KIAA1217: variants seen among roughly 807,000 people sequenced by gnomAD.
KIAA1217 encodes sickle tail protein homolog.
KIAA1217 carries 88 observed loss-of-function variants against 163.9 expected under a neutral mutation model. The observed-to-expected ratio is 0.54, with a 90% CI of 0.45 to 0.64. KIAA1217 has a LOEUF of 0.64. Among genes scored for constraint, KIAA1217 ranks in the 30% least tolerant of loss-of-function variants. KIAA1217 has a pLI of 0.00. For missense variants in KIAA1217, 2,372 were observed against 2,475.0 expected (o/e 0.96, Z 0.88); for synonymous variants, 903 against 923.1 (o/e 0.98, Z 0.39).
At chr10:24,431,929 T>C (rs1266136790) in intron 3 of KIAA1217, among the ~76,000 whole-genome samples, 1 of 152,172 alleles carries the variant, frequency 6.6e-6, no homozygotes, top group African/African-American at 2.4e-5. Flanking sequence ...TCAATAAATA[T>C]GTATTAGAAC....
chr10:24,036,355 G>A (rs1160546449), intron 2 of KIAA1217, among the ~76,000 whole-genome samples: 2 of 152,160 alleles, frequency 1.3e-5, no homozygotes, highest in Non-Finnish European at 2.9e-5. Flanking sequence ...TATATGTGGG[G>A]AGGGGGTCAG....
intron 1 of KIAA1217, among the ~76,000 whole-genome samples, chr10:24,216,502 T>G (rs1256333476): frequency 6.6e-6 from 1 of 152,076 alleles, no homozygotes; most frequent in African/African-American, 2.4e-5. Context: ...TTCTTAATAA[T>G]GTCAAAACTA....
At chr10:24,365,934 A>G (rs1045472113) in intron 2 of KIAA1217, among the ~76,000 whole-genome samples, 16 of 152,312 alleles carry the variant, frequency 1.1e-4, no homozygotes, top group African/African-American at 3.8e-4. Flanking sequence ...TGGATATTGT[A>G]TAATTCAATC....
rs150603825 is a variant in KIAA1217, at chr10:24,143,559, G to A, written c.-170-76067G>A. Among the ~76,000 whole-genome samples, 109 of 152,264 alleles carry A rather than the reference G, an allele frequency of 7.2e-4. 2 individuals are homozygous for A. In the East Asian group the frequency reaches 0.014, roughly 19 times the overall value. ...ATTACAGGCATGAGCTACCAGGCCC[G>A]ACCTAGTATCCACTTTTTCTAAACC... On this transcript the variant is annotated intron_variant, in intron 2 of 18. Coordinates refer to the KIAA1217 transcript ENST00000376462.
chr10:24,135,563 T>C (rs1280197794), intron 2 of KIAA1217, among the ~76,000 whole-genome samples: 1 of 151,848 alleles, frequency 6.6e-6, no homozygotes, highest in Non-Finnish European at 1.5e-5. Context: ...TATTCCGGTG[T>C]GATCACAGGT....
At chr10:24,426,840 C>T (rs560001885) in intron 3 of KIAA1217, among the ~76,000 whole-genome samples, 1 of 152,204 alleles carries the variant, frequency 6.6e-6, no homozygotes, top group Non-Finnish European at 1.5e-5. Flanking sequence ...AGTCCCACTG[C>T]GGTGCCCTAG....
chr10:24,153,422 C>T lies in KIAA1217; in HGVS notation c.-170-66204C>T, dbSNP rs187662720. ...TGGTTACATGGTACCATATGTCTTT[C>T]AGAAGGCACTTGGAGCTTTACACAT... On this transcript the variant is annotated intron_variant, in intron 2 of 18. Coordinates refer to the KIAA1217 transcript ENST00000376462. Among the ~76,000 whole-genome samples, 618 of 152,320 alleles carry T rather than the reference C, an allele frequency of 4.1e-3. 3 individuals are homozygous for T. The highest frequency in any genetic ancestry group is 0.014 in the African/African-American group (589 of 41,584).
intron 2 of KIAA1217, among the ~76,000 whole-genome samples, chr10:24,364,206 T>G (rs61848091): frequency 0.016 from 2,456 of 152,188 alleles, 40 homozygotes; most frequent in Non-Finnish European, 0.026. Context: ...CTCGAACTCC[T>G]GAGCTCAGGT....
chr10:24,136,104 A>G (rs2063822647), intron 2 of KIAA1217, among the ~76,000 whole-genome samples: 1 of 152,156 alleles, frequency 6.6e-6, no homozygotes, highest in Non-Finnish European at 1.5e-5. Context: ...AGAAGGGCCC[A>G]CTCTAAGGAG....
At chr10:24,051,482 G>A (rs570899253) in intron 2 of KIAA1217, among the ~76,000 whole-genome samples, 1 of 152,194 alleles carries the variant, frequency 6.6e-6, no homozygotes, top group African/African-American at 2.4e-5. Context: ...GAATTTCTAT[G>A]TTTTCTGTAG....
chr10:23,898,611 A>G (rs1469104641), intron 1 of KIAA1217, among the ~76,000 whole-genome samples: 1 of 152,104 alleles, frequency 6.6e-6, no homozygotes, highest in Non-Finnish European at 1.5e-5. Context: ...AAATGCACAT[A>G]AAATTTACCA....
At chr10:24,317,488 G>A (rs1044870104) in intron 2 of KIAA1217, among the ~76,000 whole-genome samples, 2 of 152,080 alleles carry the variant, frequency 1.3e-5, no homozygotes, top group South Asian at 4.1e-4. Context: ...GGAGTGTCAC[G>A]ATGGGGTTGG....
chr10:23,802,302 T>A (rs763496283), intron 1 of KIAA1217, among the ~76,000 whole-genome samples: 1 of 152,172 alleles, frequency 6.6e-6, no homozygotes, highest in Non-Finnish European at 1.5e-5. Flanking sequence ...TTCCAACACA[T>A]GATGAAAGAG....
chr10:24,264,729 C>G (rs2076041982), intron 2 of KIAA1217, among the ~76,000 whole-genome samples: 2 of 151,372 alleles, frequency 1.3e-5, no homozygotes, highest in South Asian at 4.2e-4. Flanking sequence ...TTAATTTAAC[C>G]TGAACTTACT....
intron 2 of KIAA1217, among the ~76,000 whole-genome samples, chr10:24,342,652 A>ATTTTTTTTTT (rs11299912): frequency 1.1e-5 from 1 of 93,510 alleles, no homozygotes; most frequent in Non-Finnish European, 2.0e-5. Flanking sequence ...ATACAACTCA[A>ATTTTTTTTTT]TTTTTTTTTT....
intron 2 of KIAA1217, among the ~76,000 whole-genome samples, chr10:24,027,195 T>A (rs2131528767): frequency 6.6e-6 from 1 of 152,196 alleles, no homozygotes; most frequent in South Asian, 2.1e-4. Flanking sequence ...AACTAGGAAC[T>A]CTGTTTCCTT....
At chr10:24,413,915 G>A (rs1032435832) in intron 3 of KIAA1217, among the ~76,000 whole-genome samples, 1 of 152,134 alleles carries the variant, frequency 6.6e-6, no homozygotes. Flanking sequence ...TTGTTTATGA[G>A]TTTAGTGTCT....
intron 2 of KIAA1217, among the ~76,000 whole-genome samples, chr10:24,197,018 T>A (rs1010188131): frequency 3.9e-5 from 6 of 152,158 alleles, no homozygotes; most frequent in Non-Finnish European, 8.8e-5. Context: ...TTCACATCCT[T>A]CACTACGATA....
At position 24,322,661 on chromosome 10, in the gene KIAA1217, G is replaced by A. The variant is rs151262693; in HGVS notation, c.355-58208G>A. Among the ~76,000 whole-genome samples, 230 of 152,232 alleles carry A rather than the reference G, an allele frequency of 1.5e-3. 2 individuals are homozygous for A. The highest frequency in any genetic ancestry group is 2.8e-3 in the Non-Finnish European group (188 of 68,016). On this transcript the variant is annotated intron_variant, in intron 2 of 20. Transcript: ENST00000376454. ...ATTTTAAAAAATAAATTCCATTTGAGCCACTCCTTCAAACCACCCAGAGTG... is the reference window on the plus strand; with the variant it reads ...ATTTTAAAAAATAAATTCCATTTGAACCACTCCTTCAAACCACCCAGAGTG...
Sources: gnomAD v4.1 joint callset for allele counts (sites outside exome capture counted in the v4.1 genomes callset) on GRCh38, gnomAD v4.1.1 for gene constraint, MANE v1.5 for transcripts, NCBI Gene and HGNC (gene_info 2026-07-23, HGNC 2026-07-21) for gene names.